ZNF148: variants seen among roughly 807,000 people sequenced by gnomAD.
ZNF148 encodes the protein Beta-Enolase Repressor Factor-1.
In ZNF148, 7 loss-of-function variants were observed where a neutral mutation model predicts 67.7. The observed-to-expected ratio is 0.10, with a 90% CI of 0.06 to 0.19. The LOEUF is 0.19. Among genes scored for constraint, ZNF148 ranks in the 10% least tolerant of loss-of-function variants. ZNF148 has a pLI of 1.00. For missense variants in ZNF148, 583 were observed against 947.1 expected (o/e 0.62, Z 5.05); for synonymous variants, 333 against 330.7 (o/e 1.01, Z -0.08).
At chr3:125,355,156 A>C (rs1026317292) in intron 1 of ZNF148, among the ~76,000 whole-genome samples, 1 of 152,204 alleles carries the variant, frequency 6.6e-6, no homozygotes, top group Non-Finnish European at 1.5e-5. Flanking sequence ...TATATACTTC[A>C]TAACCTTTGA....
At chr3:125,344,780 T>G in intron 1 of ZNF148, 1 of 473,730 alleles carries the variant, frequency 2.1e-6, no homozygotes, top group African/African-American at 2.0e-5. Flanking sequence ...CACCTAGAAC[T>G]TCATAGTAAT....
intron 4 of ZNF148, among the ~76,000 whole-genome samples, chr3:125,301,390 C>G (rs948230540): frequency 6.6e-6 from 1 of 152,088 alleles, no homozygotes; most frequent in Admixed American, 6.5e-5. Context: ...AAACATAGTG[C>G]CATTGAGCTA....
intron 5 of ZNF148, among the ~76,000 whole-genome samples, chr3:125,284,549 T>C (rs1938557694): frequency 6.6e-6 from 1 of 152,098 alleles, no homozygotes; most frequent in South Asian, 2.1e-4. Flanking sequence ...TCTGTTCTCC[T>C]AGAGGGCTTC....
At chr3:125,307,448 G>A (rs1448865793) in intron 4 of ZNF148, among the ~76,000 whole-genome samples, 9 of 151,986 alleles carry the variant, frequency 5.9e-5, no homozygotes, top group South Asian at 2.1e-4. Context: ...GACCACAGGC[G>A]CTTGCTACCA....
At chr3:125,299,740 C>T (rs1279593818) in intron 4 of ZNF148, among the ~76,000 whole-genome samples, 4 of 152,072 alleles carry the variant, frequency 2.6e-5, no homozygotes, top group African/African-American at 4.8e-5. Flanking sequence ...GCAATAAACA[C>T]GACTCTCACC....
chr3:125,357,441 C>G (rs1942392209), intron 1 of ZNF148, among the ~76,000 whole-genome samples: 1 of 152,352 alleles, frequency 6.6e-6, no homozygotes, highest in East Asian at 1.9e-4. Context: ...GTTCGCCAGA[C>G]GGTGGGCAAA....
chr3:125,350,493 T>A (rs1407326817), intron 1 of ZNF148, among the ~76,000 whole-genome samples: 1 of 152,210 alleles, frequency 6.6e-6, no homozygotes, highest in Admixed American at 6.5e-5. Context: ...TTTGCACTCA[T>A]GTTAACTACA....
At chr3:125,253,192 T>G (rs757890132) in intron 7 of ZNF148, among the ~76,000 whole-genome samples, 1 of 152,204 alleles carries the variant, frequency 6.6e-6, no homozygotes, top group Non-Finnish European at 1.5e-5. Context: ...TAATGTTAAT[T>G]TAGAAGTCTT....
At chr3:125,361,863 G>C (rs971059673) in intron 1 of ZNF148, among the ~76,000 whole-genome samples, 21 of 151,976 alleles carry the variant, frequency 1.4e-4, no homozygotes, top group Admixed American at 1.4e-3. Flanking sequence ...AATCCACTAG[G>C]ATTGTAACTT....
intron 7 of ZNF148, among the ~76,000 whole-genome samples, chr3:125,257,365 T>G (rs1046560004): frequency 1.3e-5 from 2 of 151,870 alleles, no homozygotes; most frequent in African/African-American, 4.8e-5. Flanking sequence ...CAGCCTGGCC[T>G]GAACATGGCG....
intron 7 of ZNF148, among the ~76,000 whole-genome samples, chr3:125,271,968 T>C (rs564778603): frequency 6.6e-6 from 1 of 152,344 alleles, no homozygotes; most frequent in African/African-American, 2.4e-5. Context: ...AGTATCTGTT[T>C]ACCTCTTCTT....
At chr3:125,256,230 C>T (rs1210503643) in intron 7 of ZNF148, among the ~76,000 whole-genome samples, 22 of 151,492 alleles carry the variant, frequency 1.5e-4, no homozygotes, top group Non-Finnish European at 7.4e-5. Context: ...TAGCCGGGCA[C>T]GGTGGCAGGT....
intron 1 of ZNF148, among the ~76,000 whole-genome samples, chr3:125,357,973 C>T (rs1195108967): frequency 2.0e-5 from 3 of 152,126 alleles, no homozygotes; most frequent in African/African-American, 7.2e-5. Context: ...GAAATCTTCT[C>T]TAAACCATCT....
intron 7 of ZNF148, among the ~76,000 whole-genome samples, chr3:125,273,572 C>T (rs912639720): frequency 2.0e-5 from 3 of 151,502 alleles, no homozygotes; most frequent in African/African-American, 7.3e-5. Context: ...CTGCTCACCA[C>T]AACCTCCGCC....
At chr3:125,296,375 G>A (rs1232739773) in intron 4 of ZNF148, among the ~76,000 whole-genome samples, 1 of 152,006 alleles carries the variant, frequency 6.6e-6, no homozygotes, top group Admixed American at 6.5e-5. Context: ...CACCCGCCTC[G>A]GCCTCCCAAA....
chr3:125,372,987 A>C (rs542474765), intron 1 of ZNF148, among the ~76,000 whole-genome samples: 1 of 152,160 alleles, frequency 6.6e-6, no homozygotes, highest in Admixed American at 6.5e-5. Context: ...ATAAATAAAA[A>C]TTTTTTTAAA....
At chr3:125,249,465 G>A (rs1936741392) in intron 7 of ZNF148, among the ~76,000 whole-genome samples, 1 of 152,116 alleles carries the variant, frequency 6.6e-6, no homozygotes, top group Non-Finnish European at 1.5e-5. Context: ...TCAAAAGCAT[G>A]AGATGTCATC....
intron 1 of ZNF148, among the ~76,000 whole-genome samples, chr3:125,353,223 T>C (rs757502700): frequency 6.6e-6 from 1 of 152,136 alleles, no homozygotes; most frequent in Non-Finnish European, 1.5e-5. Flanking sequence ...AAACAAACTA[T>C]GTCATTCTGG....
At chr3:125,258,759 C>A (rs1360250252) in intron 7 of ZNF148, among the ~76,000 whole-genome samples, 1 of 152,068 alleles carries the variant, frequency 6.6e-6, no homozygotes, top group East Asian at 1.9e-4. Context: ...AACAGTCTAA[C>A]CCATTTTTTA....
Sources: allele counts gnomAD v4.1 joint callset (sites outside exome capture counted in the v4.1 genomes callset), GRCh38; gene constraint gnomAD v4.1.1; transcripts MANE v1.5; gene names NCBI Gene and HGNC (gene_info 2026-07-23, HGNC 2026-07-21).